The following HTR2C variants were observed in gnomAD, a reference collection of about 807,000 sequenced individuals.
HTR2C encodes the protein 5-hydroxytryptamine receptor 2C, also known as 5-hydroxytryptamine (serotonin) receptor 2C, G protein-coupled.
In HTR2C, 5 loss-of-function variants were observed where a neutral mutation model predicts 21.0. The observed-to-expected ratio is 0.24, with a 90% CI of 0.12 to 0.50. The LOEUF (loss-of-function observed/expected upper bound fraction) is 0.50. Among genes scored for constraint, HTR2C ranks in the 20% least tolerant of loss-of-function variants. HTR2C has a pLI of 0.98. For missense variants in HTR2C, 271 were observed against 371.2 expected, an observed-to-expected ratio of 0.73 and a Z score of 2.22; for synonymous variants, 150 against 145.3, an observed-to-expected ratio of 1.03 and a Z score of -0.23.
At chrX:114,759,356 T>C (rs2069843910) in intron 4 of HTR2C, among the ~76,000 whole-genome samples, 1 of 111,382 alleles carries the variant, frequency 9.0e-6, no homozygotes, top group Non-Finnish European at 1.9e-5. Flanking sequence ...TCAGGCTGCC[T>C]AGTTTACTAG....
chrX:114,698,030 G>C (rs782032144), intron 2 of HTR2C, among the ~76,000 whole-genome samples: 1 of 111,946 alleles, frequency 8.9e-6, no homozygotes, highest in African/African-American at 3.2e-5. Flanking sequence ...TTGTAGGACT[G>C]AGGTCCCTGC....
intron 4 of HTR2C, among the ~76,000 whole-genome samples, chrX:114,744,565 G>A (rs901834588): frequency 5.9e-4 from 63 of 107,268 alleles, no homozygotes; most frequent in African/African-American, 2.1e-3. Flanking sequence ...CCATTCTTCT[G>A]CCTCAGCCTC....
chrX:114,604,041 G>A (rs1284731232), intron 1 of HTR2C, among the ~76,000 whole-genome samples: 8 of 107,511 alleles, frequency 7.4e-5, no homozygotes, highest in Middle Eastern at 4.8e-3. Flanking sequence ...TGCGGGATGG[G>A]ATATTGGCGT....
chrX:114,764,296 G>A (rs782250101), intron 4 of HTR2C, among the ~76,000 whole-genome samples: 20 of 109,494 alleles, frequency 1.8e-4, no homozygotes, highest in Non-Finnish European at 3.2e-4. Context: ...TACTCAGGAG[G>A]CTGAGGCAGG....
intron 4 of HTR2C, among the ~76,000 whole-genome samples, chrX:114,826,426 C>T (rs189682516): frequency 1.1e-4 from 12 of 111,685 alleles, no homozygotes; most frequent in Admixed American, 2.9e-4. Context: ...CTCAGCTGAC[C>T]TCATGTGACT....
At position 114,731,282 on chromosome X, in the gene HTR2C, C is replaced by A. The variant is rs200783387; in HGVS notation, c.36-12C>A. On this transcript the variant is annotated splice_polypyrimidine_tract_variant and intron_variant, in intron 3 of 5. Coordinates refer to ENST00000276198, the MANE Select transcript of HTR2C (RefSeq NM_000868.4). The stretch of plus-strand genomic sequence containing the variant: ...TATGTACCTGATTGTTTTTTTTTTT[C>A]TTAATTTTCAGTGTGCACCTAATTG... 3 of 1,087,130 alleles carry A rather than the reference C, an allele frequency of 2.8e-6. No individual in the cohort carries two copies. Among genetic ancestry groups the A allele is most frequent in the South Asian group, 2.3e-5 (1 of 44,321 alleles). The allele number at this position is 1,087,130 out of a possible 1,213,427, so 89.6% of individuals were successfully genotyped here. A position where few individuals can be genotyped will look rare whatever the true frequency, so the allele number is the denominator to read the frequency against.
At chrX:114,805,884 G>A (rs181740273) in intron 4 of HTR2C, among the ~76,000 whole-genome samples, 137 of 12,496 alleles carry the variant, frequency 0.011, 1 homozygote, top group Non-Finnish European at 0.017. Context: ...TACACCATAT[G>A]TATACCATAT....
rs782755877 is a variant in HTR2C at position 114,595,038 on chromosome X, T to C, written c.-147+10379T>C. Among the ~76,000 whole-genome samples, 12 of 111,817 alleles carry C rather than the reference T, an allele frequency of 1.1e-4. 1 individual carries two copies. The highest frequency in any genetic ancestry group is 4.8e-4 in the Admixed American group (5 of 10,475). On this transcript the variant is annotated intron_variant, in intron 1 of 5. Transcript: ENST00000276198. ...ATATTTTAGAGATTGTATATATTTTTCTCATATATCCCTTCATTTGATTTT... is the reference window on the plus strand; with the variant it reads ...ATATTTTAGAGATTGTATATATTTTCCTCATATATCCCTTCATTTGATTTT...
At chrX:114,590,882 CTG>C (rs1169922743) in intron 1 of HTR2C, among the ~76,000 whole-genome samples, 1 of 111,893 alleles carries the variant, frequency 8.9e-6, no homozygotes, top group Non-Finnish European at 1.9e-5. Flanking sequence ...TATTAGCAAA[CTG>C]AGTTCTGCAC....
chrX:114,657,876 T>C (rs1930842714), intron 2 of HTR2C, among the ~76,000 whole-genome samples: 1 of 111,227 alleles, frequency 9.0e-6, no homozygotes, highest in South Asian at 3.7e-4. Flanking sequence ...TGTTTTTCTG[T>C]GTCTTCTGTA....
At chrX:114,605,079 A>G (rs1438397214) in intron 1 of HTR2C, among the ~76,000 whole-genome samples, 1 of 111,181 alleles carries the variant, frequency 9.0e-6, no homozygotes, top group Non-Finnish European at 1.9e-5. Flanking sequence ...GGTTGCTGCC[A>G]AACAAGTCAT....
chrX:114,805,524 C>CATAT (rs199759521), intron 4 of HTR2C, among the ~76,000 whole-genome samples: 4 of 63,450 alleles, frequency 6.3e-5, no homozygotes, highest in African/African-American at 2.0e-4. Flanking sequence ...ATATATGCAC[C>CATAT]ATATATATAT....
intron 2 of HTR2C, among the ~76,000 whole-genome samples, chrX:114,671,634 C>T (rs927781694): frequency 1.8e-5 from 2 of 111,615 alleles, no homozygotes; most frequent in African/African-American, 6.5e-5. Context: ...GTGATGGCTT[C>T]GAAAATATGT....
chrX:114,655,982 AAATT>A (rs1187241044), intron 2 of HTR2C, among the ~76,000 whole-genome samples: 23 of 111,041 alleles, frequency 2.1e-4, no homozygotes, highest in Admixed American at 1.7e-3. Flanking sequence ...TTGTACAAGA[AAATT>A]AATTATCTTA....
chrX:114,782,716 T>TA (rs782184464), intron 4 of HTR2C, among the ~76,000 whole-genome samples: 1,889 of 102,954 alleles, frequency 0.018, 46 homozygotes, highest in African/African-American at 0.063. Flanking sequence ...AGACCCTGTA[T>TA]AAAAAAAAAA....
chrX:114,872,979 G>T (rs2071103746), intron 5 of HTR2C, among the ~76,000 whole-genome samples: 1 of 111,650 alleles, frequency 9.0e-6, no homozygotes, highest in Non-Finnish European at 1.9e-5. Flanking sequence ...TGGAAAAGTT[G>T]ATTTTGGCAA....
intron 4 of HTR2C, among the ~76,000 whole-genome samples, chrX:114,798,044 T>C (rs977104259): frequency 4.8e-5 from 4 of 82,754 alleles, no homozygotes; most frequent in Non-Finnish European, 9.7e-5. Context: ...TGTAGATTAG[T>C]AGTATTAGTA....
chrX:114,880,150 T>C (rs2071169743), intron 5 of HTR2C, among the ~76,000 whole-genome samples: 1 of 110,304 alleles, frequency 9.1e-6, no homozygotes, highest in South Asian at 3.8e-4. Context: ...CACTATCTCA[T>C]TACAGAACAT....
chrX:114,732,213 G>C (rs949539810), intron 4 of HTR2C, among the ~76,000 whole-genome samples: 1 of 111,676 alleles, frequency 9.0e-6, no homozygotes, highest in Non-Finnish European at 1.9e-5. Flanking sequence ...TCAATATATT[G>C]ATTTTAAAGA....
Sources: gnomAD v4.1 joint callset for allele counts (sites outside exome capture counted in the v4.1 genomes callset) on GRCh38, gnomAD v4.1.1 for gene constraint, MANE v1.5 for transcripts, NCBI Gene and HGNC (gene_info 2026-07-23, HGNC 2026-07-21) for gene names.